Variants in WDR20 observed in about 807,000 individuals in gnomAD.
WDR20 encodes the protein WD repeat domain 20.
WDR20 carries 3 observed loss-of-function variants against 38.7 expected under a neutral mutation model. The observed-to-expected ratio is 0.08, with a 90% confidence interval of 0.04 to 0.20. WDR20 has a LOEUF of 0.20. WDR20 is among the 10% of genes least tolerant of loss of function. The pLI, the probability that WDR20 is intolerant of heterozygous loss-of-function variation, is 1.00. For missense variants in WDR20, 559 were observed against 727.7 expected (o/e 0.77, Z 2.67); for synonymous variants, 298 against 285.6 (o/e 1.04, Z -0.44).
chr14:102,156,693 T>C (rs1445737985), intron 1 of WDR20, among the ~76,000 whole-genome samples: 1 of 151,978 alleles, frequency 6.6e-6, no homozygotes, highest in African/African-American at 2.4e-5. Flanking sequence ...TTTTATAGAT[T>C]TATGCATTTA....
chr14:102,214,411 G>C (rs2062953404), downstream of WDR20: 1 of 985,304 alleles, frequency 1.0e-6, no homozygotes, highest in African/African-American at 1.7e-5. Flanking sequence ...AAAAGCACTC[G>C]TATGCAACTG....
chr14:102,213,889 C>G, downstream of WDR20: 3 of 985,466 alleles, frequency 3.0e-6, no homozygotes, highest in Non-Finnish European at 3.6e-6. Flanking sequence ...AGCGCCACAT[C>G]ATGCGTGTCT....
intron 1 of WDR20, among the ~76,000 whole-genome samples, chr14:102,151,173 AT>A (rs534503694): frequency 0.04 from 4,437 of 111,436 alleles, 87 homozygotes; most frequent in African/African-American, 0.14. Context: ...CCATTGGGGA[AT>A]TTTTTTTTTT....
At chr14:102,195,499 T>G (rs1345262618) in intron 2 of WDR20, among the ~76,000 whole-genome samples, 1 of 152,254 alleles carries the variant, frequency 6.6e-6, no homozygotes, top group Non-Finnish European at 1.5e-5. Flanking sequence ...TGACATTTCC[T>G]TAGGCTGCTT....
chr14:102,203,278 T>C (rs1424564168), intron 2 of WDR20, among the ~76,000 whole-genome samples: 1 of 152,228 alleles, frequency 6.6e-6, no homozygotes, highest in African/African-American at 2.4e-5. Context: ...CCAGGTGAAA[T>C]TAATTTTAAG....
At chr14:102,193,542 A>AT in intron 1 of WDR20, 1 of 1,608,796 alleles carries the variant, frequency 6.2e-7, no homozygotes. Context: ...TCCGCATGGC[A>AT]TGCACCCTCA....
chr14:102,163,294 C>T (rs2059128108), intron 1 of WDR20, among the ~76,000 whole-genome samples: 1 of 152,066 alleles, frequency 6.6e-6, no homozygotes, highest in South Asian at 2.1e-4. Flanking sequence ...CTTGGAGTAC[C>T]CAGCCATCAG....
chr14:102,214,975 A>C (rs140207876), downstream of WDR20: 2 of 985,232 alleles, frequency 2.0e-6, no homozygotes, highest in African/African-American at 3.5e-5. Context: ...GTATACTGAC[A>C]TTAAATAAAC....
chr14:102,141,572 T>C (rs1195545974), intron 1 of WDR20, among the ~76,000 whole-genome samples: 3 of 152,212 alleles, frequency 2.0e-5, no homozygotes, highest in African/African-American at 7.2e-5. Flanking sequence ...CTCCCAACTT[T>C]GTCACTGACT....
At chr14:102,202,030 G>GC (rs2060482931) in intron 2 of WDR20, among the ~76,000 whole-genome samples, 2 of 151,828 alleles carry the variant, frequency 1.3e-5, no homozygotes, top group South Asian at 4.2e-4. Flanking sequence ...CTCCCTTCTG[G>GC]CCCAGGGAGC....
chr14:102,211,438 G>C (rs1306854982), downstream of WDR20, among the ~76,000 whole-genome samples: 1 of 152,162 alleles, frequency 6.6e-6, no homozygotes, highest in Non-Finnish European at 1.5e-5. This position sits in a 1 kb window ranked among gnomAD's most constrained non-coding sequence, Gnocchi z 4.2. Context: ...AACATGTCAC[G>C]GTGGCGCCAT....
downstream of WDR20, among the ~76,000 whole-genome samples, chr14:102,219,181 T>G (rs2063592668): frequency 6.6e-6 from 1 of 152,210 alleles, no homozygotes; most frequent in African/African-American, 2.4e-5. Context: ...CACCTGATAA[T>G]CTTTAGACTG....
In WDR20 at chr14:102,171,511, G is replaced by A. The variant is rs1415144628; in HGVS notation, c.250-23427G>A. 2 of 151,658 alleles carry A rather than the reference G, an allele frequency of 1.3e-5. 1 individual carries two copies. The highest frequency in any genetic ancestry group is 2.9e-5 in the Non-Finnish European group (2 of 67,862). 9.4% of individuals were successfully genotyped at this position (151,658 alleles called of 1,614,324 possible). ...GATTTATTCTGGTATAAATTGTGAGGTGAGATTTCACCCCATGTTTTAAAA... is the reference window on the plus strand; with the variant it reads ...GATTTATTCTGGTATAAATTGTGAGATGAGATTTCACCCCATGTTTTAAAA... On this transcript the variant is annotated intron_variant, in intron 1 of 2. Coordinates refer to ENST00000342702, the MANE Select transcript of WDR20 (RefSeq NM_144574.4).
intron 2 of WDR20, among the ~76,000 whole-genome samples, chr14:102,202,858 A>G (rs182202727): frequency 9.9e-5 from 15 of 152,080 alleles, no homozygotes; most frequent in African/African-American, 2.9e-4. Flanking sequence ...CTCCTTGGAG[A>G]TCTTAGGATG....
chr14:102,189,846 A>T (rs2065892253), intron 1 of WDR20, among the ~76,000 whole-genome samples: 1 of 152,170 alleles, frequency 6.6e-6, no homozygotes, highest in African/African-American at 2.4e-5. Context: ...AACAATTCTG[A>T]AATCATATAA....
chr14:102,222,343 A>G lies in WDR20; in HGVS notation c.1693-487A>G, dbSNP rs1388610070. Among the ~76,000 whole-genome samples, 2 of 152,236 alleles carry G rather than the reference A, an allele frequency of 1.3e-5. No individual in the cohort carries two copies. Among genetic ancestry groups the G allele is most frequent in the African/African-American group, 4.8e-5 (2 of 41,462 alleles). On this transcript the variant is annotated intron_variant, in intron 3 of 3. Coordinates refer to the WDR20 transcript ENST00000335263. The surrounding 1 kb of genome is among the most constrained non-coding windows in gnomAD (Gnocchi z 4.4). ...CCACGGTCACACCACCCAACAAAGC[A>G]AGAACCCCCCAGCAGAGAATGCCCT...
At chr14:102,164,564 A>G (rs903333848) in intron 1 of WDR20, among the ~76,000 whole-genome samples, 1 of 152,178 alleles carries the variant, frequency 6.6e-6, no homozygotes, top group Non-Finnish European at 1.5e-5. Flanking sequence ...CAGGATACTG[A>G]TGACTCAACT....
chr14:102,219,234 T>C (rs979452916), downstream of WDR20, among the ~76,000 whole-genome samples: 6 of 152,220 alleles, frequency 3.9e-5, no homozygotes, highest in African/African-American at 1.4e-4. Flanking sequence ...TTCATTTGAT[T>C]CTCTTTTGAA....
At chr14:102,200,465 T>TGTGTGTGTG (rs1555400497) in intron 2 of WDR20, among the ~76,000 whole-genome samples, 9 of 98,624 alleles carry the variant, frequency 9.1e-5, no homozygotes, top group African/African-American at 4.8e-4. Context: ...AAATTTTTTT[T>TGTGTGTGTG]TTTGTGTGTG....
Sources: gnomAD v4.1 joint callset for allele counts (sites outside exome capture counted in the v4.1 genomes callset) on GRCh38, gnomAD v4.1.1 for gene constraint, Gnocchi (gnomAD v3.1) non-coding constraint, MANE v1.5 for transcripts, NCBI Gene and HGNC (gene_info 2026-07-23, HGNC 2026-07-21) for gene names.